The following AFF2 variants were observed in gnomAD, a reference collection of about 807,000 sequenced individuals.
AFF2 encodes the protein ALF transcription elongation factor 2, also known as AF4/FMR2 family member 2.
In AFF2, 14 loss-of-function variants were observed where a neutral mutation model predicts 76.9. That is an observed-to-expected ratio of 0.18 (90% confidence interval 0.12 to 0.28). The LOEUF (loss-of-function observed/expected upper bound fraction) is 0.28, where lower values mean the gene tolerates loss of function less well. Ranked by LOEUF, AFF2 falls within the 10% of genes least tolerant of loss-of-function variation. The pLI is 1.00. For synonymous variants in AFF2, 398 were observed against 366.7 expected (o/e 1.09, Z -0.98); for missense variants, 868 against 1,001.1 (o/e 0.87, Z 1.79).
In AFF2 at chrX:148,603,658, G is replaced by C. The variant is rs782031101; in HGVS notation, c.48-48341G>C. Reference sequence around the variant, plus strand: ...CCAGATGCAGTGAGCCGTTTCAGTGGGTTGATTCAGATCTTTTTCTATTTC... The same window carrying C: ...CCAGATGCAGTGAGCCGTTTCAGTGCGTTGATTCAGATCTTTTTCTATTTC... On this transcript the variant is annotated intron_variant, in intron 1 of 20. Transcript: ENST00000370460. 5.5e-5 allele frequency among the ~76,000 whole-genome samples: 6 copies of C among 109,878 alleles called. No individual in the cohort carries two copies. In the South Asian group the frequency reaches 2.3e-3, roughly 42 times the overall value.
At chrX:148,651,355 C>T (rs1237915954) in intron 1 of AFF2, among the ~76,000 whole-genome samples, 2 of 111,872 alleles carry the variant, frequency 1.8e-5, no homozygotes, top group Non-Finnish European at 3.8e-5. Context: ...AAGTCAGACC[C>T]CTTTTTTTGT....
intron 3 of AFF2, among the ~76,000 whole-genome samples, chrX:148,741,154 A>G (rs1300649727): frequency 4.5e-5 from 5 of 111,670 alleles, no homozygotes; most frequent in African/African-American, 1.6e-4. Flanking sequence ...CCTTACAGAA[A>G]GCATCAGCTG....
intron 2 of AFF2, among the ~76,000 whole-genome samples, chrX:148,656,073 G>A (rs1385170289): frequency 1.8e-5 from 2 of 111,521 alleles, no homozygotes; most frequent in East Asian, 5.6e-4. Flanking sequence ...TCCTTTCTTG[G>A]CAGAAAGATA....
chrX:148,981,478 G>A (rs1449061490), intron 19 of AFF2, among the ~76,000 whole-genome samples: 3 of 110,839 alleles, frequency 2.7e-5, no homozygotes, highest in Admixed American at 9.6e-5. Context: ...GTTCTTTATC[G>A]CTAAAATGAA....
intron 20 of AFF2, among the ~76,000 whole-genome samples, chrX:148,988,961 G>A (rs2072504635): frequency 8.9e-6 from 1 of 112,553 alleles, no homozygotes; most frequent in Non-Finnish European, 1.9e-5. Flanking sequence ...AGAAGTGTCT[G>A]ATTCCAGAGT....
intron 3 of AFF2, among the ~76,000 whole-genome samples, chrX:148,706,353 A>G (rs782078436): frequency 8.0e-5 from 9 of 112,465 alleles, no homozygotes; most frequent in African/African-American, 2.9e-4. Context: ...ATTGTAGGCC[A>G]GAGGAACTGT....
chrX:148,721,627 TTTTA>T (rs1273170456), intron 3 of AFF2, among the ~76,000 whole-genome samples: 1 of 111,715 alleles, frequency 9.0e-6, no homozygotes, highest in Non-Finnish European at 1.9e-5. Flanking sequence ...AGAGGCATGA[TTTTA>T]TTTGACTATT....
intron 3 of AFF2, among the ~76,000 whole-genome samples, chrX:148,685,934 C>G (rs1557260306): frequency 9.1e-6 from 1 of 110,091 alleles, no homozygotes; most frequent in Non-Finnish European, 1.9e-5. Flanking sequence ...CTCTCTATCT[C>G]TCTCTCACAC....
chrX:148,967,489 T>C, intron 14 of AFF2, 140 bp from the exon 15 acceptor site: 1 of 528,860 alleles, frequency 1.9e-6, no homozygotes, highest in Middle Eastern at 5.5e-4. Context: ...AGGTTGGTTA[T>C]GATATGAATG....
At chrX:148,711,401 TA>T (rs1454220445) in intron 3 of AFF2, among the ~76,000 whole-genome samples, 2 of 112,075 alleles carry the variant, frequency 1.8e-5, no homozygotes, top group Non-Finnish European at 3.8e-5. Flanking sequence ...GGGACTAGTC[TA>T]GGTTAAGGGG....
At chrX:148,697,619 C>T (rs1378333934) in intron 3 of AFF2, among the ~76,000 whole-genome samples, 4 of 109,947 alleles carry the variant, frequency 3.6e-5, no homozygotes, top group Non-Finnish European at 7.6e-5. Flanking sequence ...TCCCCTTCCT[C>T]TTCAACAGGA....
chrX:148,639,918 CCTT>C (rs782417917), intron 1 of AFF2, among the ~76,000 whole-genome samples: 1 of 111,412 alleles, frequency 9.0e-6, no homozygotes, highest in East Asian at 2.8e-4. Context: ...TATCATACCA[CCTT>C]AAGTAGTACT....
At chrX:148,595,884 A>G (rs1418052327) in intron 1 of AFF2, among the ~76,000 whole-genome samples, 1 of 111,868 alleles carries the variant, frequency 8.9e-6, no homozygotes, top group Admixed American at 9.5e-5. Context: ...ATAGCAATCC[A>G]GTGTGTTTTT....
intron 3 of AFF2, among the ~76,000 whole-genome samples, chrX:148,759,181 C>T (rs2069411271): frequency 8.9e-6 from 1 of 112,008 alleles, no homozygotes; most frequent in Non-Finnish European, 1.9e-5. Flanking sequence ...CTTTGTGTCG[C>T]CTAGACATAG....
At chrX:148,824,392 G>A (rs1413810387) in intron 4 of AFF2, among the ~76,000 whole-genome samples, 1 of 111,542 alleles carries the variant, frequency 9.0e-6, no homozygotes, top group Non-Finnish European at 1.9e-5. Context: ...CTAAAAGAGT[G>A]GACCTTAAAT....
chrX:148,762,893 T>G (rs1470981190), intron 3 of AFF2, among the ~76,000 whole-genome samples: 1 of 111,896 alleles, frequency 8.9e-6, no homozygotes, highest in Non-Finnish European at 1.9e-5. Flanking sequence ...ACAAACTGCC[T>G]GACATCTATT....
intron 9 of AFF2, among the ~76,000 whole-genome samples, chrX:148,947,252 A>G (rs1557286166): frequency 8.9e-6 from 1 of 112,300 alleles, no homozygotes; most frequent in Non-Finnish European, 1.9e-5. Context: ...CTGGACCATA[A>G]TCGACTGTCT....
chrX:148,967,530 A>G, intron 14 of AFF2, 99 bp from the exon 15 acceptor site: 3 of 791,365 alleles, frequency 3.8e-6, no homozygotes, highest in Non-Finnish European at 5.6e-6. Context: ...TCAAGGCATT[A>G]TATGGGAATA....
rs781915335 is a variant in AFF2 at position 148,994,727 on chromosome X, A to C, written c.*3395A>C. On this transcript the variant is annotated 3_prime_UTR_variant, in exon 21 of 21. Coordinates refer to ENST00000370460, the MANE Select transcript of AFF2 (RefSeq NM_002025.4). ...TGCATTGGAAAGATACTCTTCTAGC[A>C]TATCTTTCCCAAAGATATCTAATTT... 1.8e-5 allele frequency: 2 copies of C among 112,532 alleles called. No individual in the cohort carries two copies. The highest frequency in any genetic ancestry group is 3.2e-5 in the African/African-American group (1 of 30,983). The allele number at this position is 112,532 out of a possible 1,213,427, so 9.3% of individuals were successfully genotyped here.
Sources: gnomAD v4.1 joint callset for allele counts (sites outside exome capture counted in the v4.1 genomes callset) on GRCh38, gnomAD v4.1.1 for gene constraint, MANE v1.5 for transcripts, NCBI Gene and HGNC (gene_info 2026-07-23, HGNC 2026-07-21) for gene names.